Variants in PCNX4 observed in about 807,000 individuals in gnomAD.
The protein encoded by PCNX4 is pecanex 4, also known as pecanex-like protein 4.
PCNX4 carries 103 observed loss-of-function variants against 107.2 expected under a neutral mutation model. That is an observed-to-expected ratio of 0.96 (90% CI 0.82 to 1.13). The LOEUF (loss-of-function observed/expected upper bound fraction) is 1.13, where lower values mean the gene tolerates loss of function less well. Among genes scored for constraint, PCNX4 ranks in the 50% most tolerant of loss-of-function variants. PCNX4 has a pLI of 0.00. For synonymous variants in PCNX4, 541 were observed against 481.7 expected (o/e 1.12, Z -1.61); for missense variants, 1,528 against 1,379.4 (o/e 1.11, Z -1.71).
intron 1 of PCNX4, among the ~76,000 whole-genome samples, chr14:60,101,571 A>C (rs1241532228): frequency 6.6e-6 from 1 of 152,200 alleles, no homozygotes; most frequent in Non-Finnish European, 1.5e-5. Context: ...TATGATGACT[A>C]CTATCAAAAA....
At chr14:60,117,664 G>A (rs1055733121) in intron 6 of PCNX4, among the ~76,000 whole-genome samples, 25 of 152,112 alleles carry the variant, frequency 1.6e-4, no homozygotes, top group African/African-American at 6.0e-4. Context: ...GGTGGATCAC[G>A]CCTTTAATCC....
At position 60,112,518 on chromosome 14, in the gene PCNX4, A is replaced by G. The variant is rs539075808; in HGVS notation, c.690-2182A>G. ...GTCCTATATACAGGAGAATAATCAC[A>G]ATGTTTGATTACTTCAATTATGTTA... On this transcript the variant is annotated intron_variant, in intron 2 of 10. Transcript: ENST00000406854. 2.0e-5 allele frequency among the ~76,000 whole-genome samples: 3 copies of G among 152,330 alleles called. No individual in the cohort carries two copies. The East Asian group carries it at 5.8e-4, about 29-fold the overall frequency.
intron 10 of PCNX4, among the ~76,000 whole-genome samples, chr14:60,127,196 C>T (rs1463969140): frequency 6.6e-6 from 1 of 152,164 alleles, no homozygotes; most frequent in Non-Finnish European, 1.5e-5. Flanking sequence ...GTGGTGCAAA[C>T]TAATGTTTAG....
intron 10 of PCNX4, among the ~76,000 whole-genome samples, chr14:60,130,770 T>C (rs1896139851): frequency 6.6e-6 from 1 of 151,962 alleles, no homozygotes; most frequent in African/African-American, 2.4e-5. Flanking sequence ...GATTCTTGAA[T>C]CTACAGGAAG....
Position 60,141,574 on chromosome 14 carries a change from G to A in PCNX4, c.*7353G>A, listed in dbSNP as rs931331619. 1 of 152,176 alleles carries A rather than the reference G, an allele frequency of 6.6e-6. No homozygotes were observed. The highest frequency in any genetic ancestry group is 2.4e-5 in the African/African-American group (1 of 41,448). The allele number at this position is 152,176 out of a possible 1,614,324, so 9.4% of individuals were successfully genotyped here. ...CAAACTATTAAAACTCAACCAAGAT[G>A]AAATAATCTGAATATCCTATAACCA... On this transcript the variant is annotated 3_prime_UTR_variant, in exon 11 of 11. Coordinates refer to ENST00000406854, the MANE Select transcript of PCNX4 (RefSeq NM_001330177.2).
chr14:60,131,480 A>G (rs1245289013), intron 10 of PCNX4, among the ~76,000 whole-genome samples: 2 of 152,258 alleles, frequency 1.3e-5, no homozygotes, highest in South Asian at 2.1e-4. Context: ...CAAAAAGAAT[A>G]AAATACTTAG....
intron 1 of PCNX4, among the ~76,000 whole-genome samples, chr14:60,101,099 G>A (rs772469476): frequency 5.3e-5 from 8 of 152,138 alleles, no homozygotes; most frequent in Non-Finnish European, 1.0e-4. Flanking sequence ...TTGATCCCAG[G>A]TCTTCAGATA....
In PCNX4 at chr14:60,140,906, C is replaced by T. The variant is rs1896299225; in HGVS notation, c.*6685C>T. The T allele has an allele frequency of 6.6e-6, 1 of 151,800 alleles. No individual in the cohort carries two copies. Among genetic ancestry groups the T allele is most frequent in the Non-Finnish European group, 1.5e-5 (1 of 68,016 alleles). 9.4% of individuals were successfully genotyped at this position (151,800 alleles called of 1,614,324 possible). A position where few individuals can be genotyped will look rare whatever the true frequency, so the allele number is the denominator to read the frequency against. ...CTCAGGGTAAACAAGTGCACCTGCC[C>T]ACCTTTGCACTCGTCCATATCCCCC... On this transcript the variant is annotated 3_prime_UTR_variant, in exon 11 of 11. Coordinates refer to ENST00000406854, the MANE Select transcript of PCNX4 (RefSeq NM_001330177.2). The surrounding 1 kb of genome is among the most constrained non-coding windows in gnomAD (Gnocchi z 4.2).
At chr14:60,120,896 A>G (rs1426147659) in intron 7 of PCNX4, among the ~76,000 whole-genome samples, 3 of 152,148 alleles carry the variant, frequency 2.0e-5, no homozygotes, top group Admixed American at 2.0e-4. Context: ...TACTTTTCCT[A>G]ATATAATTAA....
At chr14:60,098,662 G>A (rs1411351099) in intron 1 of PCNX4, among the ~76,000 whole-genome samples, 1 of 152,074 alleles carries the variant, frequency 6.6e-6, no homozygotes, top group Non-Finnish European at 1.5e-5. Context: ...TCTTTTGCTG[G>A]GCACGGTGGC....
rs377639702 is a variant in PCNX4, at chr14:60,134,008, A to G, written c.3306A>G (p.Leu1102=). Residue 1102 remains leucine, a synonymous_variant, in exon 11 of 11, where the codon TTA becomes TTG. Transcript: ENST00000406854. Reference sequence around the variant, plus strand: ...GGAGAGTGCTTAGCCTTCAAGAATTATTGATCCAAGTGGGAAAGTTAAATC... The same window carrying G: ...GGAGAGTGCTTAGCCTTCAAGAATTGTTGATCCAAGTGGGAAAGTTAAATC... ...YTGRVLSLQE[L]LIQVGKLNPE... is the part of the protein sequence containing the mutation. 3 of 1,613,412 alleles carry G rather than the reference A, an allele frequency of 1.9e-6. No individual in the cohort carries two copies. The highest frequency in any genetic ancestry group is 2.7e-5 in the African/African-American group (2 of 74,910).
chr14:60,110,840 A>T (rs1259631115), intron 2 of PCNX4: 1 of 167,052 alleles, frequency 6.0e-6, no homozygotes, highest in African/African-American at 2.4e-5. Context: ...GGGGCCAGGG[A>T]TGGAATGTTA....
intron 10 of PCNX4, among the ~76,000 whole-genome samples, chr14:60,126,464 T>C (rs576668642): frequency 6.6e-6 from 1 of 152,280 alleles, no homozygotes; most frequent in East Asian, 1.9e-4. Context: ...TTTAAAGTCT[T>C]AGAAAGTCTC....
Position 60,135,222 on chromosome 14 carries a change from TCTC to T in PCNX4, c.*1004_*1006del, listed in dbSNP as rs1896224047. The T allele has an allele frequency of 6.6e-6, 1 of 152,204 alleles. No individual in the cohort carries two copies. The highest frequency in any genetic ancestry group is 6.5e-5 in the Admixed American group (1 of 15,276). The allele number at this position is 152,204 out of a possible 1,614,324, so 9.4% of individuals were successfully genotyped here. ...GCCCCCTAGATTTATAATAATGTAT[TCTC>T]CTTAGAAATCATTCAAATTATATGA... On this transcript the variant is annotated 3_prime_UTR_variant, in exon 11 of 11. Transcript: ENST00000406854.
At position 60,118,555 on chromosome 14, in the gene PCNX4, G is replaced by C. The variant is rs190033446; in HGVS notation, c.1805G>C (p.Gly602Ala). Reference protein sequence around the residue: ...PLFTLPVFLVGFPRPIQSWPG... With the variant: ...PLFTLPVFLVAFPRPIQSWPG... ...TTCACCCTTCCTGTGTTCTTGGTGG[G>C]GTTTCCCCGACCTATTCAGAGTTGG... The change falls in exon 7 of 11, where the codon GGG (glycine) becomes GCG (alanine). Residue 602 changes from glycine (G) to alanine (A), a missense_variant. Transcript: ENST00000406854. 74 of 1,613,538 alleles carry C rather than the reference G, an allele frequency of 4.6e-5. No homozygotes were observed. The African/African-American group carries it at 8.8e-4, about 19-fold the overall frequency.
Position 60,140,155 on chromosome 14 carries a change from A to G in PCNX4, c.*5934A>G, listed in dbSNP as rs996274539. The G allele has an allele frequency of 9.2e-5, 14 of 152,194 alleles. No individual in the cohort carries two copies. The highest frequency in any genetic ancestry group is 7.4e-5 in the Non-Finnish European group (5 of 68,020). The allele number at this position is 152,194 out of a possible 1,614,324, so 9.4% of individuals were successfully genotyped here. On this transcript the variant is annotated 3_prime_UTR_variant, in exon 11 of 11. Coordinates refer to ENST00000406854, the MANE Select transcript of PCNX4 (RefSeq NM_001330177.2). The surrounding 1 kb of genome is among the most constrained non-coding windows in gnomAD (Gnocchi z 4.2). ...GTAGACTGAAAAAGGAAGAAACACA[A>G]ACAACCAATATCAGGAATGAAAGGA... is the stretch of plus-strand genomic sequence containing the variant.
chr14:60,111,652 A>G (rs1449463190), intron 2 of PCNX4, among the ~76,000 whole-genome samples: 1 of 152,158 alleles, frequency 6.6e-6, no homozygotes, highest in African/African-American at 2.4e-5. Flanking sequence ...TAGGTTCTTT[A>G]ATTTTAAAAA....
intron 7 of PCNX4, 45 bp downstream of exon 7, chr14:60,118,737 A>G (rs1895900868): frequency 6.7e-7 from 1 of 1,488,922 alleles, no homozygotes; most frequent in Non-Finnish European, 8.9e-7. Flanking sequence ...TAATGTATTT[A>G]AAGTACAAAA....
intron 1 of PCNX4, among the ~76,000 whole-genome samples, chr14:60,093,255 C>A (rs1163807843): frequency 6.6e-6 from 1 of 152,060 alleles, no homozygotes; most frequent in Non-Finnish European, 1.5e-5. Flanking sequence ...TACAATTCAC[C>A]CATTTATAGA....
Sources: allele counts gnomAD v4.1 joint callset (sites outside exome capture counted in the v4.1 genomes callset), GRCh38; gene constraint gnomAD v4.1.1; non-coding constraint Gnocchi (gnomAD v3.1); transcripts MANE v1.5; gene names NCBI Gene and HGNC (gene_info 2026-07-23, HGNC 2026-07-21).